NCAM1: variants seen among roughly 807,000 people sequenced by gnomAD.
NCAM1 encodes neural cell adhesion molecule 1.
In NCAM1, 14 loss-of-function variants were observed where a neutral mutation model predicts 109.8. That is an observed-to-expected ratio of 0.13 (90% CI 0.08 to 0.20). The LOEUF (loss-of-function observed/expected upper bound fraction) is 0.20. NCAM1 is among the 10% of genes least tolerant of loss of function. The pLI is 1.00. For synonymous variants in NCAM1, 418 were observed against 442.9 expected, an observed-to-expected ratio of 0.94 and a Z score of 0.70; for missense variants, 774 against 1,109.9, an observed-to-expected ratio of 0.70 and a Z score of 4.30.
chr11:113,015,511 G>A (rs557419186), intron 1 of NCAM1, among the ~76,000 whole-genome samples: 2 of 152,282 alleles, frequency 1.3e-5, no homozygotes, highest in East Asian at 3.9e-4. Context: ...CTAGGTGGGT[G>A]TGTCATCTGA....
intron 1 of NCAM1, among the ~76,000 whole-genome samples, chr11:113,085,803 A>T (rs1290280111): frequency 3.3e-5 from 5 of 152,172 alleles, no homozygotes; most frequent in African/African-American, 1.2e-4. Context: ...TTCTTAGTAG[A>T]CATTCACTGA....
At chr11:113,033,932 G>T (rs1952790652) in intron 1 of NCAM1, among the ~76,000 whole-genome samples, 1 of 152,174 alleles carries the variant, frequency 6.6e-6, no homozygotes, top group African/African-American at 2.4e-5. Context: ...ATATCCGTAA[G>T]AGAGAGAAAA....
At chr11:113,116,136 ACCT>A (rs1555094830) in intron 1 of NCAM1, among the ~76,000 whole-genome samples, 1 of 152,176 alleles carries the variant, frequency 6.6e-6, no homozygotes, top group Non-Finnish European at 1.5e-5. Flanking sequence ...ATATCTGATC[ACCT>A]CCTTCGCCTA....
chr11:113,126,621 T>C (rs1941188961), intron 1 of NCAM1, among the ~76,000 whole-genome samples: 1 of 152,254 alleles, frequency 6.6e-6, no homozygotes, highest in African/African-American at 2.4e-5. Context: ...GCGGATGCAA[T>C]TGACAAATTA....
intron 1 of NCAM1, among the ~76,000 whole-genome samples, chr11:113,081,412 C>T (rs1332496834): frequency 3.3e-5 from 5 of 152,238 alleles, no homozygotes; most frequent in African/African-American, 1.2e-4. Flanking sequence ...GAGACACAGT[C>T]TTGCTGAATC....
At chr11:113,191,269 A>G (rs1943665554) in intron 1 of NCAM1, among the ~76,000 whole-genome samples, 1 of 152,198 alleles carries the variant, frequency 6.6e-6, no homozygotes, top group Admixed American at 6.5e-5. Context: ...GAGAGGAAGG[A>G]AAGTCTACGG....
In NCAM1 at chr11:113,234,045, A is replaced by G. The variant is rs1412382705; in HGVS notation, c.1693+728A>G. On this transcript the variant is annotated intron_variant, in intron 13 of 19. Transcript: ENST00000316851. ...ATCAGTATCACAGCCATTCAGAGAC[A>G]TAGTCCAGTGCAGTTTCACTCAGAA... is the stretch of plus-strand genomic sequence containing the variant. Among the ~76,000 whole-genome samples the G allele has an allele frequency of 3.3e-5, 5 of 151,944 alleles. No homozygotes were observed. In the East Asian group the frequency reaches 9.7e-4, roughly 30 times the overall value.
At position 112,961,466 on chromosome 11, in the gene NCAM1, A is replaced by T. The variant is rs1156850616; in HGVS notation, c.-147A>T. The stretch of plus-strand genomic sequence containing the variant: ...TGAACGCAGCTCGGCTGCCGCTGGC[A>T]GGAAACAATTCTGCAAAAATAATCA... On this transcript the variant is annotated 5_prime_UTR_variant, in exon 1 of 20. Transcript: ENST00000316851. The T allele has an allele frequency of 1.3e-6, 1 of 780,068 alleles. No homozygotes were observed. The highest frequency in any genetic ancestry group is 2.4e-6 in the Non-Finnish European group (1 of 420,476). 48.3% of individuals were successfully genotyped at this position (780,068 alleles called of 1,614,324 possible). A position where few individuals can be genotyped will look rare whatever the true frequency, so the allele number is the denominator to read the frequency against.
chr11:113,205,386 A>G, intron 3 of NCAM1, 137 bp from the exon 4 acceptor site: 1 of 1,114,468 alleles, frequency 9.0e-7, no homozygotes, highest in Non-Finnish European at 1.2e-6. Context: ...GACGTCTCTG[A>G]GGGTGCCCCT....
intron 1 of NCAM1, among the ~76,000 whole-genome samples, chr11:113,102,987 A>T (rs1162195113): frequency 1.7e-5 from 1 of 60,342 alleles, no homozygotes; most frequent in African/African-American, 1.2e-4. Flanking sequence ...TTGGTTACAG[A>T]CATGTTTCTG....
intron 1 of NCAM1, among the ~76,000 whole-genome samples, chr11:113,107,354 C>T (rs567791812): frequency 6.6e-5 from 10 of 152,218 alleles, no homozygotes; most frequent in East Asian, 1.9e-4. Context: ...ATGTGCAAAG[C>T]GCCAGGCTTT....
At chr11:113,008,025 C>G (rs916655030) in intron 1 of NCAM1, among the ~76,000 whole-genome samples, 6 of 152,158 alleles carry the variant, frequency 3.9e-5, no homozygotes, top group Non-Finnish European at 2.9e-5. Flanking sequence ...GGCACCGTGT[C>G]AATTTAATTG....
At chr11:112,981,711 A>T (rs549965078) in intron 1 of NCAM1, among the ~76,000 whole-genome samples, 1 of 152,022 alleles carries the variant, frequency 6.6e-6, no homozygotes, top group East Asian at 1.9e-4. Flanking sequence ...AGGCATGCAG[A>T]GGGAGCTAAC....
At position 113,270,270 on chromosome 11, in the gene NCAM1, T is replaced by C. The variant is rs1442422766; in HGVS notation, c.2214T>C (p.Val738=). The C allele has an allele frequency of 1.9e-6, 3 of 1,614,064 alleles. No individual in the cohort carries two copies. Among genetic ancestry groups the C allele is most frequent in the Non-Finnish European group, 2.5e-6 (3 of 1,179,896 alleles). The change falls in exon 18 of 20, where the codon GTT becomes GTC. Residue 738 remains valine, a synonymous_variant. Transcript: ENST00000316851. The part of the protein sequence containing the change: ...LIVIFVLLLV[V]VDITCYFLNK... Reference sequence around the variant, plus strand: ...TCATCTTCGTCCTGCTCCTGGTGGTTGTGGACATCACCTGCTACTTCCTGA... The same window carrying C: ...TCATCTTCGTCCTGCTCCTGGTGGTCGTGGACATCACCTGCTACTTCCTGA...
intron 1 of NCAM1, among the ~76,000 whole-genome samples, chr11:113,125,429 T>C (rs1941134528): frequency 6.6e-6 from 1 of 152,256 alleles, no homozygotes; most frequent in Non-Finnish European, 1.5e-5. Context: ...ATCTCAATTA[T>C]ATTTATTAAT....
At chr11:113,259,112 C>T (rs1333695854) in intron 16 of NCAM1, among the ~76,000 whole-genome samples, 5 of 143,242 alleles carry the variant, frequency 3.5e-5, no homozygotes, top group Admixed American at 2.2e-4. Context: ...AGTGCAGTGG[C>T]GGGATCTCGG....
chr11:113,078,421 T>G (rs1032407323), intron 1 of NCAM1, among the ~76,000 whole-genome samples: 48 of 151,982 alleles, frequency 3.2e-4, no homozygotes, highest in African/African-American at 1.1e-3. Flanking sequence ...TCACCGGCAC[T>G]GGGGGTTAGA....
rs921071964 is a variant in NCAM1, at chr11:113,273,499, C to T, written c.2456+1623C>T. 9.8e-5 allele frequency: 33 copies of T among 335,714 alleles called. No individual in the cohort carries two copies. The highest frequency in any genetic ancestry group is 5.3e-4 in the Admixed American group (14 of 26,180). 20.8% of individuals were successfully genotyped at this position (335,714 alleles called of 1,614,324 possible). ...ACCCAGCCCGGAGCCGCGAAGAGCC[C>T]GGCCGAGGCAGCCACAGCCCTTGCT... On this transcript the variant is annotated intron_variant, in intron 19 of 19. Transcript: ENST00000316851. The surrounding 1 kb of genome is among the most constrained non-coding windows in gnomAD (Gnocchi z 6.0).
At chr11:113,043,355 G>C (rs1438574910) in intron 1 of NCAM1, among the ~76,000 whole-genome samples, 1 of 151,798 alleles carries the variant, frequency 6.6e-6, no homozygotes, top group Non-Finnish European at 1.5e-5. Context: ...TTTATTTTTT[G>C]AGACAGAGTT....
Sources: allele counts gnomAD v4.1 joint callset (sites outside exome capture counted in the v4.1 genomes callset), GRCh38; gene constraint gnomAD v4.1.1; non-coding constraint Gnocchi (gnomAD v3.1); transcripts MANE v1.5; gene names NCBI Gene and HGNC (gene_info 2026-07-23, HGNC 2026-07-21).